EMSY: variants seen among roughly 807,000 people sequenced by gnomAD.
The protein encoded by EMSY is EMSY transcriptional repressor, BRCA2 interacting.
A neutral mutation model predicts 134.6 loss-of-function variants in EMSY; 26 were observed. That is an observed-to-expected ratio of 0.19 (90% CI 0.14 to 0.27). The LOEUF (loss-of-function observed/expected upper bound fraction) is 0.27. EMSY is among the 10% of genes least tolerant of loss of function. The pLI is 1.00. For synonymous variants in EMSY, 579 were observed against 577.8 expected (o/e 1.00, Z -0.03); for missense variants, 1,305 against 1,611.4 (o/e 0.81, Z 3.26).
At chr11:76,540,034 G>C (rs1951376218) in intron 17 of EMSY, among the ~76,000 whole-genome samples, 1 of 151,952 alleles carries the variant, frequency 6.6e-6, no homozygotes, top group Non-Finnish European at 1.5e-5. Context: ...TTCTGCAGTG[G>C]GTACTAGTTC....
intron 6 of EMSY, among the ~76,000 whole-genome samples, chr11:76,462,690 G>A (rs1227942505): frequency 6.6e-6 from 1 of 152,236 alleles, no homozygotes; most frequent in Non-Finnish European, 1.5e-5. Context: ...TGGATAGAAT[G>A]TGGTTAAGGT....
intron 12 of EMSY, among the ~76,000 whole-genome samples, chr11:76,525,948 T>C (rs1209064942): frequency 6.6e-6 from 1 of 152,164 alleles, no homozygotes; most frequent in Non-Finnish European, 1.5e-5. Flanking sequence ...CTATATATCC[T>C]TATAATTTCA....
chr11:76,518,354 G>A (rs1315619486), intron 11 of EMSY, among the ~76,000 whole-genome samples: 1 of 151,226 alleles, frequency 6.6e-6, no homozygotes, highest in Non-Finnish European at 1.5e-5. Context: ...TTTTTCTAGA[G>A]ACAGGGTTTT....
intron 2 of EMSY, among the ~76,000 whole-genome samples, chr11:76,447,962 T>G (rs538209540): frequency 5.3e-5 from 8 of 152,342 alleles, no homozygotes; most frequent in African/African-American, 1.7e-4. Flanking sequence ...AAAGGAAAAG[T>G]ATAGGTCTTG....
intron 8 of EMSY, among the ~76,000 whole-genome samples, chr11:76,477,251 T>A (rs867317823): frequency 6.6e-6 from 1 of 150,892 alleles, no homozygotes; most frequent in African/African-American, 2.4e-5. Context: ...AGTCAAGCAT[T>A]ATAGGTTAAT....
intron 8 of EMSY, among the ~76,000 whole-genome samples, chr11:76,490,855 G>T (rs4600241): frequency 0.53 from 79,075 of 148,512 alleles, 21,623 homozygotes; most frequent in East Asian, 0.74. Flanking sequence ...ATTGCTAGGG[G>T]GTGTGTGTGT....
chr11:76,457,232 T>G (rs565697439), intron 4 of EMSY, among the ~76,000 whole-genome samples: 4 of 152,114 alleles, frequency 2.6e-5, no homozygotes, highest in Admixed American at 2.6e-4. Flanking sequence ...ACATACAGAG[T>G]CTTAAACTCT....
At chr11:76,503,585 A>T (rs963075950) in intron 9 of EMSY, among the ~76,000 whole-genome samples, 11 of 152,202 alleles carry the variant, frequency 7.2e-5, no homozygotes, top group Non-Finnish European at 2.9e-5. Flanking sequence ...TGAGACCCTT[A>T]CATCACACCG....
chr11:76,485,302 A>G (rs1205731283), intron 8 of EMSY, among the ~76,000 whole-genome samples: 1 of 152,160 alleles, frequency 6.6e-6, no homozygotes, highest in Non-Finnish European at 1.5e-5. Flanking sequence ...CCTCAATAAA[A>G]TCCTGGGAAA....
chr11:76,445,688 G>C (rs1947353317), intron 1 of EMSY, among the ~76,000 whole-genome samples: 1 of 152,144 alleles, frequency 6.6e-6, no homozygotes, highest in Non-Finnish European at 1.5e-5. Context: ...TTGCGGCCCC[G>C]CTCTGGGGTC....
chr11:76,499,274 AC>A lies in EMSY; in HGVS notation c.1363+2806del, dbSNP rs1249036856. On this transcript the variant is annotated intron_variant, in intron 9 of 20. Transcript: ENST00000334736. The stretch of plus-strand genomic sequence containing the variant: ...CTGCATCTGGCCAACCAATCTTATA[AC>A]TTTTTTTTTTTTTTTTTTTTTTTTT... Among the ~76,000 whole-genome samples the A allele has an allele frequency of 2.5e-5, 3 of 119,358 alleles. No individual in the cohort carries two copies. In the East Asian group the frequency reaches 7.4e-4, roughly 30 times the overall value. The allele number at this position is 119,358 out of a possible 152,430, so 78.3% of individuals were successfully genotyped here.
intron 17 of EMSY, 73 bp downstream of exon 18, chr11:76,539,713 G>T (rs749058836): frequency 2.9e-6 from 4 of 1,380,152 alleles, no homozygotes; most frequent in South Asian, 1.2e-5. Flanking sequence ...CCGCTTAAAT[G>T]GATGCGCTCT....
intron 16 of EMSY, among the ~76,000 whole-genome samples, chr11:76,538,422 G>A (rs1951305924): frequency 6.6e-6 from 1 of 151,968 alleles, no homozygotes; most frequent in Non-Finnish European, 1.5e-5. Context: ...ACTATGCCTG[G>A]TTAATTTTTT....
At position 76,531,322 on chromosome 11, in the gene EMSY, C is replaced by A. The variant is rs188458738; in HGVS notation, c.2194+2856C>A. Among the ~76,000 whole-genome samples the A allele has an allele frequency of 5.3e-5, 8 of 152,236 alleles. No homozygotes were observed. In the East Asian group the frequency reaches 1.2e-3, roughly 22 times the overall value. ...CACCTGTCCTCAATAAAATTCAGGTCGACACATTGCATTTAGCTGCATTTA... is the reference window on the plus strand; with the variant it reads ...CACCTGTCCTCAATAAAATTCAGGTAGACACATTGCATTTAGCTGCATTTA... On this transcript the variant is annotated intron_variant, in intron 14 of 20. Coordinates refer to ENST00000334736, the Ensembl canonical transcript of EMSY.
intron 8 of EMSY, among the ~76,000 whole-genome samples, chr11:76,488,928 G>T (rs1949303231): frequency 6.6e-6 from 1 of 152,178 alleles, no homozygotes; most frequent in African/African-American, 2.4e-5. Context: ...TCTTAGGAAA[G>T]AAAAAATCTT....
At chr11:76,503,542 G>A (rs1850461100) in intron 9 of EMSY, among the ~76,000 whole-genome samples, 2 of 152,030 alleles carry the variant, frequency 1.3e-5, no homozygotes, top group Non-Finnish European at 2.9e-5. Flanking sequence ...ATTCTGTTGG[G>A]ACAAATGAAT....
At chr11:76,477,255 G>A (rs1390323962) in intron 8 of EMSY, among the ~76,000 whole-genome samples, 3 of 148,914 alleles carry the variant, frequency 2.0e-5, no homozygotes, top group African/African-American at 7.3e-5. Context: ...AAGCATTATA[G>A]GTTAATTTAT....
intron 9 of EMSY, among the ~76,000 whole-genome samples, chr11:76,504,913 G>A (rs546369191): frequency 2.0e-5 from 3 of 152,260 alleles, no homozygotes; most frequent in South Asian, 2.1e-4. Context: ...AGAAGACCAC[G>A]TATTATATGA....
At chr11:76,482,297 C>G (rs777926769) in intron 8 of EMSY, among the ~76,000 whole-genome samples, 1 of 152,296 alleles carries the variant, frequency 6.6e-6, no homozygotes, top group Admixed American at 6.5e-5. Flanking sequence ...TGAGGAAAAA[C>G]CAGCGCAGAA....
Sources: gnomAD v4.1 joint callset for allele counts (sites outside exome capture counted in the v4.1 genomes callset) on GRCh38, gnomAD v4.1.1 for gene constraint, MANE v1.5 for transcripts, NCBI Gene and HGNC (gene_info 2026-07-23, HGNC 2026-07-21) for gene names.